POLR2B: variants seen among roughly 807,000 people sequenced by gnomAD.
The protein encoded by POLR2B is DNA-directed RNA polymerase II subunit RPB2.
Under a neutral mutation model 144.6 loss-of-function variants are expected in POLR2B, and 57 were observed. That is an observed-to-expected ratio of 0.39 (90% confidence interval 0.32 to 0.49). The LOEUF (loss-of-function observed/expected upper bound fraction) is 0.49. Among genes scored for constraint, POLR2B ranks in the 20% least tolerant of loss-of-function variants. POLR2B has a pLI of 0.83. For synonymous variants in POLR2B, 442 were observed against 469.8 expected (o/e 0.94, Z 0.77); for missense variants, 595 against 1,467.4 (o/e 0.41, Z 9.71).
intron 1 of POLR2B, among the ~76,000 whole-genome samples, chr4:56,981,451 T>G (rs1269959276): frequency 1.3e-5 from 2 of 152,244 alleles, no homozygotes; most frequent in Non-Finnish European, 2.9e-5. Context: ...GGTCAAATGA[T>G]ATGCACGTTT....
chr4:56,985,446 G>A, intron 1 of POLR2B: 1 of 985,226 alleles, frequency 1.0e-6, no homozygotes, highest in Non-Finnish European at 1.2e-6. Context: ...GGGCGGCCCC[G>A]ACTTTCGGGC....
chr4:57,023,221 A>G lies in POLR2B; in HGVS notation c.2516-109A>G, dbSNP rs1040931458. On this transcript the variant is annotated intron_variant, in intron 18 of 24. Transcript: ENST00000314595. This position sits in a 1 kb window ranked among gnomAD's most constrained non-coding sequence, Gnocchi z 4.3. ...AATATTTGGAATAAGGGTGTGATTCATGGTATAGAGACTCCTGTGGCCTTC... is the reference window on the plus strand; with the variant it reads ...AATATTTGGAATAAGGGTGTGATTCGTGGTATAGAGACTCCTGTGGCCTTC... The G allele has an allele frequency of 6.3e-6, 6 of 958,218 alleles. No individual in the cohort carries two copies. Among genetic ancestry groups the G allele is most frequent in the Non-Finnish European group, 6.4e-6 (4 of 627,030 alleles). The allele number at this position is 958,218 out of a possible 1,614,324, so 59.4% of individuals were successfully genotyped here. A position where few individuals can be genotyped will look rare whatever the true frequency, so the allele number is the denominator to read the frequency against.
intron 1 of POLR2B, chr4:56,985,358 G>C (rs944644023): frequency 1.0e-6 from 1 of 985,338 alleles, no homozygotes; most frequent in Non-Finnish European, 1.2e-6. Flanking sequence ...GCGAGGGACC[G>C]GTGGTAGCCG....
chr4:56,979,896 C>CAA (rs61576956), intron 1 of POLR2B, among the ~76,000 whole-genome samples: 17,979 of 136,940 alleles, frequency 0.13, 1,424 homozygotes, highest in Middle Eastern at 0.27. Context: ...TAGACTGTCT[C>CAA]AAAAAAAAAA....
chr4:57,022,432 A>G (rs1230157564), intron 18 of POLR2B, among the ~76,000 whole-genome samples, 186 bp downstream of exon 18: 2 of 152,124 alleles, frequency 1.3e-5, no homozygotes, highest in Admixed American at 1.3e-4. Flanking sequence ...GTATTTGATA[A>G]AAGTCTTTGC....
chr4:57,014,693 A>G (rs1305740106), intron 13 of POLR2B, among the ~76,000 whole-genome samples: 1 of 149,678 alleles, frequency 6.7e-6, no homozygotes, highest in Non-Finnish European at 1.5e-5. Context: ...TTTAGTAGAG[A>G]TGGGGTTTCA....
At position 56,993,654 on chromosome 4, in the gene POLR2B, C is replaced by CT. The variant is rs754622792; in HGVS notation, c.244-741dup. 1.2e-3 allele frequency among the ~76,000 whole-genome samples: 185 copies of CT among 151,590 alleles called. 4 individuals carry two copies. The East Asian group carries it at 0.031, about 25-fold the overall frequency. On this transcript the variant is annotated intron_variant, in intron 3 of 24. Transcript: ENST00000314595. ...AAGTGAATGTTTAATTGAAAAATTT[C>CT]TTTTTTTTTCTATGAACTAAGCTAT...
intron 1 of POLR2B, among the ~76,000 whole-genome samples, chr4:56,986,012 G>C (rs1722316120): frequency 6.6e-6 from 1 of 152,214 alleles, no homozygotes; most frequent in South Asian, 2.1e-4. Flanking sequence ...CCCCACCTTA[G>C]GGTATTGCCC....
At chr4:56,994,108 G>A (rs1342178809) in intron 3 of POLR2B, among the ~76,000 whole-genome samples, 1 of 152,100 alleles carries the variant, frequency 6.6e-6, no homozygotes, top group African/African-American at 2.4e-5. Context: ...GTGATGATTG[G>A]GTGTGAGATG....
In POLR2B at chr4:57,016,905, T is replaced by C. The variant is rs56343458; in HGVS notation, c.1956-138T>C. ...CAGTTATATATAATATTAAACTATA[T>C]ATATATATAAATATATATGTATATT... On this transcript the variant is annotated intron_variant, in intron 14 of 24. Transcript: ENST00000314595. The C allele has an allele frequency of 1.9e-3, 475 of 244,492 alleles. 2 individuals are homozygous for C. The highest frequency in any genetic ancestry group is 0.01 in the African/African-American group (438 of 43,312). 15.1% of individuals were successfully genotyped at this position (244,492 alleles called of 1,614,324 possible).
At chr4:57,029,018 G>A (rs1416141057) in intron 23 of POLR2B, among the ~76,000 whole-genome samples, 1 of 152,074 alleles carries the variant, frequency 6.6e-6, no homozygotes, top group Non-Finnish European at 1.5e-5. Context: ...GTTTGTCCAG[G>A]GCTTGAGACT....
chr4:56,993,312 A>G (rs191092040), intron 3 of POLR2B, among the ~76,000 whole-genome samples: 2 of 151,608 alleles, frequency 1.3e-5, no homozygotes, highest in East Asian at 4.2e-4. Flanking sequence ...CAAACAAAAC[A>G]AAACAAAATG....
In POLR2B at chr4:57,025,468, A is replaced by T; in HGVS notation, c.3170A>T (p.Asp1057Val). 6.2e-7 allele frequency: 1 copy of T among 1,611,610 alleles called. No individual in the cohort carries two copies. The highest frequency in any genetic ancestry group is 8.5e-7 in the Non-Finnish European group (1 of 1,177,632). The change falls in exon 23 of 25, where the codon GAT (aspartate) becomes GTT (valine). Residue 1057 changes from aspartate (D) to valine (V), a missense_variant. Around this residue, in one of 9 missense-constraint regions of POLR2B, gnomAD observed 65 missense variants for 282.8 expected, o/e 0.23. Transcript: ENST00000314595. ...YYQRLKHMVD[D>V]KIHSRARGPI... is the part of the protein sequence containing the mutation. ...CAGCGTTTGAAGCATATGGTGGATG[A>T]TAAGATTCACTCTCGTGCTAGGGGA...
intron 23 of POLR2B, among the ~76,000 whole-genome samples, chr4:57,029,961 A>C (rs1317080806): frequency 6.6e-6 from 1 of 152,120 alleles, no homozygotes; most frequent in Non-Finnish European, 1.5e-5. Context: ...CACCCAGTCC[A>C]CTTCCCAAAG....
rs199582749 is a variant in POLR2B at position 56,986,439 on chromosome 4, C to G, written c.92+13C>G. On this transcript the variant is annotated intron_variant, in intron 2 of 24. Coordinates refer to ENST00000314595, the MANE Select transcript of POLR2B (RefSeq NM_000938.3). ...GGATTGTAATCAGGTAACTTTGGAC[C>G]AAACTGAATTAGCCTGAAAAGGCAC... 8.9e-6 allele frequency: 14 copies of G among 1,574,924 alleles called. No individual in the cohort carries two copies. The East Asian group carries it at 3.1e-4, about 35-fold the overall frequency.
At chr4:57,022,421 T>C (rs914704569) in intron 18 of POLR2B, among the ~76,000 whole-genome samples, 175 bp downstream of exon 18, 4 of 152,164 alleles carry the variant, frequency 2.6e-5, no homozygotes, top group Non-Finnish European at 4.4e-5. Context: ...AGAAAACATG[T>C]GTATTTGATA....
chr4:56,996,265 T>C (rs369665712), intron 6 of POLR2B, among the ~76,000 whole-genome samples: 74 of 85,462 alleles, frequency 8.7e-4, no homozygotes, highest in Admixed American at 1.5e-3. Context: ...TGTGTGTGTA[T>C]ATATATATAT....
intron 13 of POLR2B, among the ~76,000 whole-genome samples, chr4:57,014,024 G>A (rs551449657): frequency 1.4e-4 from 21 of 151,744 alleles, no homozygotes; most frequent in East Asian, 7.7e-4. Context: ...AAGAACTTAA[G>A]GCAGTGCATT....
chr4:57,030,120 T>C, intron 23 of POLR2B, 84 bp from the exon 24 acceptor site: 1 of 1,105,712 alleles, frequency 9.0e-7, no homozygotes, highest in Non-Finnish European at 1.3e-6. Context: ...TCTTTGCAAA[T>C]ATTATTCTCC....
Sources: gnomAD v4.1 joint callset for allele counts (sites outside exome capture counted in the v4.1 genomes callset) on GRCh38, gnomAD v4.1.1 for gene constraint, gnomAD v4.1.1 regional missense constraint, Gnocchi (gnomAD v3.1) non-coding constraint, MANE v1.5 for transcripts, NCBI Gene and HGNC (gene_info 2026-07-23, HGNC 2026-07-21) for gene names.